Variants in CELF2 observed in about 807,000 individuals in gnomAD.
CELF2 encodes the protein CUGBP Elav-like family member 2, also known as CUG triplet repeat RNA-binding protein 2.
CELF2 carries 8 observed loss-of-function variants against 62.6 expected under a neutral mutation model. The ratio of observed to expected loss-of-function variants is 0.13; its 90% CI spans 0.07 to 0.23. The LOEUF (loss-of-function observed/expected upper bound fraction) is 0.23, where lower values mean the gene tolerates loss of function less well. Ranked by LOEUF, CELF2 falls within the 10% of genes least tolerant of loss-of-function variation. CELF2 has a pLI of 1.00. For synonymous variants in CELF2, 258 were observed against 250.0 expected (o/e 1.03, Z -0.30); for missense variants, 333 against 671.0 (o/e 0.50, Z 5.56).
intron 2 of CELF2, among the ~76,000 whole-genome samples, chr10:11,216,471 A>T (rs1188953027): frequency 6.6e-6 from 1 of 152,224 alleles, no homozygotes; most frequent in Non-Finnish European, 1.5e-5. Flanking sequence ...CCCAGATCAA[A>T]GGTTAGCATC....
intron 1 of CELF2, among the ~76,000 whole-genome samples, chr10:10,881,729 A>G (rs987536083): frequency 7.0e-5 from 10 of 143,592 alleles, no homozygotes; most frequent in Admixed American, 4.3e-4. Context: ...CTCAGAGTCC[A>G]CCCGGTGCTG....
chr10:10,765,171 C>T, the CELF2 span, among the ~76,000 whole-genome samples: 2 of 152,180 alleles, frequency 1.3e-5, no homozygotes, highest in Admixed American at 6.5e-5. Flanking sequence ...ACCTTATCTG[C>T]CAGCTCCCAT....
At chr10:11,031,767 C>A (rs1317777795) in intron 1 of CELF2, among the ~76,000 whole-genome samples, 1 of 152,156 alleles carries the variant, frequency 6.6e-6, no homozygotes, top group Non-Finnish European at 1.5e-5. Context: ...ATTCACTCCA[C>A]CCTCATTATA....
In CELF2 at chr10:10,993,934, T is replaced by G. The variant is rs997109648; in HGVS notation, c.89+73935T>G. Among the ~76,000 whole-genome samples the G allele has an allele frequency of 6.6e-6, 1 of 152,108 alleles. No individual in the cohort carries two copies. The highest frequency in any genetic ancestry group is 1.5e-5 in the Non-Finnish European group (1 of 68,006). ...AAAAGACACTAGAGATGTGCAGGCA[T>G]AGGGAGAAGGCTCCAAGGAGAGGAG... On this transcript the variant is annotated intron_variant, in intron 2 of 13. Transcript: ENST00000636488. This position sits in a 1 kb window ranked among gnomAD's most constrained non-coding sequence, Gnocchi z 5.3.
intron 3 of CELF2, among the ~76,000 whole-genome samples, chr10:11,235,637 C>G (rs1302959078): frequency 6.6e-6 from 1 of 152,110 alleles, no homozygotes; most frequent in Non-Finnish European, 1.5e-5. Flanking sequence ...AAATACCAAG[C>G]AAAGTCAGTG....
chr10:10,482,259 A>T, the CELF2 span, among the ~76,000 whole-genome samples: 46 of 152,354 alleles, frequency 3.0e-4, no homozygotes, highest in East Asian at 6.0e-3. Context: ...AACATTATAG[A>T]TTATTTTCAA....
At chr10:10,912,648 G>C (rs1245074458) in intron 1 of CELF2, among the ~76,000 whole-genome samples, 1 of 152,170 alleles carries the variant, frequency 6.6e-6, no homozygotes, top group Non-Finnish European at 1.5e-5. Flanking sequence ...GATTACAGGC[G>C]TGTGCCAGTG....
chr10:10,808,119 G>A (rs989619231), intron 1 of CELF2, among the ~76,000 whole-genome samples: 8 of 152,070 alleles, frequency 5.3e-5, no homozygotes, highest in African/African-American at 1.4e-4. Context: ...TAACACTATC[G>A]ACAAGAAAAT....
the CELF2 span, among the ~76,000 whole-genome samples, chr10:10,680,395 A>G: frequency 0.29 from 44,149 of 152,026 alleles, 7,068 homozygotes; most frequent in South Asian, 0.52. Context: ...AAAATCAGCC[A>G]AGGGGAGGGG....
chr10:11,115,573 C>T (rs576228304), intron 1 of CELF2, among the ~76,000 whole-genome samples: 7 of 152,250 alleles, frequency 4.6e-5, no homozygotes, highest in South Asian at 2.1e-4. Flanking sequence ...TGTTGATTGG[C>T]GCCAGTGGCA....
intron 8 of CELF2, among the ~76,000 whole-genome samples, chr10:11,286,968 G>C (rs2091465412): frequency 6.6e-6 from 1 of 152,196 alleles, no homozygotes; most frequent in Non-Finnish European, 1.5e-5. Flanking sequence ...TTTTTTCTAA[G>C]TGGAAATGCA....
chr10:11,189,662 A>G (rs1372093510), intron 2 of CELF2, among the ~76,000 whole-genome samples: 1 of 151,942 alleles, frequency 6.6e-6, no homozygotes, highest in Admixed American at 6.6e-5. Flanking sequence ...TGGCCTGGAA[A>G]CTCTTTCAGG....
intron 1 of CELF2, among the ~76,000 whole-genome samples, chr10:10,866,904 G>C (rs1470254070): frequency 7.4e-6 from 1 of 135,098 alleles, no homozygotes; most frequent in Admixed American, 7.7e-5. Flanking sequence ...TGGGTGACAA[G>C]AGTGAAACTC....
chr10:11,294,122 A>G (rs1239043412), intron 9 of CELF2, among the ~76,000 whole-genome samples: 1 of 152,256 alleles, frequency 6.6e-6, no homozygotes, highest in Non-Finnish European at 1.5e-5. Context: ...AGCTTATTTT[A>G]CAAATAGTGG....
intron 1 of CELF2, among the ~76,000 whole-genome samples, chr10:11,084,248 C>T (rs1043441440): frequency 6.6e-6 from 1 of 152,188 alleles, no homozygotes; most frequent in African/African-American, 2.4e-5. Context: ...GTGGTGGAAA[C>T]AAACGCAAGT....
intron 2 of CELF2, among the ~76,000 whole-genome samples, chr10:10,926,682 CTGA>C (rs2134970341): frequency 6.6e-6 from 1 of 152,286 alleles, no homozygotes; most frequent in Admixed American, 6.5e-5. Flanking sequence ...TTTTCCATGC[CTGA>C]TCCCTTAGGG....
At chr10:10,681,150 G>A in the CELF2 span, among the ~76,000 whole-genome samples, 1 of 152,122 alleles carries the variant, frequency 6.6e-6, no homozygotes, top group Admixed American at 6.6e-5. Context: ...GTACAGCAAT[G>A]AATTCAGCCT....
At chr10:11,286,647 C>G (rs2091389353) in intron 8 of CELF2, among the ~76,000 whole-genome samples, 1 of 152,216 alleles carries the variant, frequency 6.6e-6, no homozygotes, top group Non-Finnish European at 1.5e-5. Flanking sequence ...ACCAGGGCCT[C>G]TCAACACCCA....
intron 1 of CELF2, among the ~76,000 whole-genome samples, chr10:11,124,880 T>TA (rs562063047): frequency 2.0e-4 from 30 of 152,336 alleles, no homozygotes; most frequent in African/African-American, 7.0e-4. Flanking sequence ...CTTATATATA[T>TA]TTTTTATAAA....
Sources: gnomAD v4.1 joint callset for allele counts (sites outside exome capture counted in the v4.1 genomes callset) on GRCh38, gnomAD v4.1.1 for gene constraint, Gnocchi (gnomAD v3.1) non-coding constraint, MANE v1.5 for transcripts, NCBI Gene and HGNC (gene_info 2026-07-23, HGNC 2026-07-21) for gene names.